The following COL12A1 variants were observed in gnomAD, a reference collection of about 807,000 sequenced individuals.
The protein encoded by COL12A1 is collagen alpha-1(XII) chain.
A neutral mutation model predicts 349.7 loss-of-function variants in COL12A1; 114 were observed. That is an observed-to-expected ratio of 0.33 (90% confidence interval 0.28 to 0.38). The LOEUF (loss-of-function observed/expected upper bound fraction) is 0.38, where lower values mean the gene tolerates loss of function less well. Ranked by LOEUF, COL12A1 falls within the 10% of genes least tolerant of loss-of-function variation. The pLI is 1.00. For missense variants in COL12A1, 3,284 were observed against 3,756.9 expected (o/e 0.87, Z 3.29); for synonymous variants, 1,369 against 1,329.0 (o/e 1.03, Z -0.66).
At chr6:75,098,987 C>G (rs1324716853) in intron 58 of COL12A1, among the ~76,000 whole-genome samples, 1 of 152,190 alleles carries the variant, frequency 6.6e-6, no homozygotes, top group Non-Finnish European at 1.5e-5. Context: ...CCGAGGATTT[C>G]TGAGTCAGGT....
At chr6:75,091,662 G>A in intron 60 of COL12A1, 137 bp from the exon 61 acceptor site, 2 of 775,194 alleles carry the variant, frequency 2.6e-6, no homozygotes, top group Non-Finnish European at 4.2e-6. Context: ...TTATATCCAT[G>A]TTACTCACAT....
At chr6:75,162,067 C>T (rs1768053522) in intron 14 of COL12A1, among the ~76,000 whole-genome samples, 1 of 152,124 alleles carries the variant, frequency 6.6e-6, no homozygotes, top group South Asian at 2.1e-4. Context: ...GTCAAAATGG[C>T]CATACTGCCC....
chr6:75,134,922 AG>A, intron 31 of COL12A1, 67 bp from the exon 32 acceptor site: 1 of 1,516,112 alleles, frequency 6.6e-7, no homozygotes, highest in Non-Finnish European at 8.9e-7. Flanking sequence ...TGTTAGAAAA[AG>A]CTCTTTCTAC....
In COL12A1 at chr6:75,086,518, T is replaced by C. The variant is rs755138892; in HGVS notation, c.*29A>G. The C allele has an allele frequency of 1.2e-6, 2 of 1,604,044 alleles. No homozygotes were observed. The highest frequency in any genetic ancestry group is 8.5e-7 in the Non-Finnish European group (1 of 1,173,624). On this transcript the variant is annotated 3_prime_UTR_variant, in exon 66 of 66. Coordinates refer to ENST00000322507, the MANE Select transcript of COL12A1 (RefSeq NM_004370.6). ...ACAGGATTTTCATGTATTCAAACTG[T>C]AAGCAGCACTGGCGACTTAGAAAAT... is the stretch of plus-strand genomic sequence containing the variant.
At chr6:75,151,547 G>A (rs1321439201) in intron 20 of COL12A1, among the ~76,000 whole-genome samples, 1 of 152,112 alleles carries the variant, frequency 6.6e-6, no homozygotes, top group African/African-American at 2.4e-5. Flanking sequence ...ACTCTCTTCA[G>A]TGTTTTTTCT....
chr6:75,137,868 G>A (rs1766701164), intron 30 of COL12A1, among the ~76,000 whole-genome samples: 1 of 151,896 alleles, frequency 6.6e-6, no homozygotes, highest in African/African-American at 2.4e-5. Flanking sequence ...ATGAGGGTGG[G>A]GCTGCCATAA....
chr6:75,142,313 A>T, intron 26 of COL12A1, 152 bp from the exon 27 acceptor site: 1 of 880,452 alleles, frequency 1.1e-6, no homozygotes, highest in South Asian at 1.9e-5. Context: ...CAGAAACTGG[A>T]CACAGTTTAA....
chr6:75,141,901 A>G (rs1766909137), intron 27 of COL12A1, 131 bp downstream of exon 27: 1 of 1,142,250 alleles, frequency 8.8e-7, no homozygotes, highest in African/African-American at 1.6e-5. Flanking sequence ...AGTGAAAAAC[A>G]ATCTATGAAT....
intron 2 of COL12A1, among the ~76,000 whole-genome samples, chr6:75,199,694 T>G (rs924348823): frequency 6.6e-6 from 1 of 152,172 alleles, no homozygotes; most frequent in Non-Finnish European, 1.5e-5. Context: ...TCAGATACAG[T>G]TGATAAAGTC....
intron 13 of COL12A1, among the ~76,000 whole-genome samples, chr6:75,166,053 C>G (rs1479038286): frequency 1.3e-5 from 2 of 151,852 alleles, no homozygotes; most frequent in Non-Finnish European, 2.9e-5. Context: ...GATTGACATC[C>G]AAATTTGAAG....
chr6:75,156,579 C>A, intron 14 of COL12A1, 56 bp from the exon 15 acceptor site: 1 of 1,514,004 alleles, frequency 6.6e-7, no homozygotes, highest in Non-Finnish European at 9.0e-7. Flanking sequence ...AATGTATGTC[C>A]ACCTCTTCAT....
At chr6:75,109,696 C>T (rs183297842) in intron 51 of COL12A1, among the ~76,000 whole-genome samples, 21 of 152,084 alleles carry the variant, frequency 1.4e-4, no homozygotes, top group African/African-American at 3.9e-4. Flanking sequence ...CTCTGGAAAT[C>T]GATAGAATTC....
rs763099667 is a variant in COL12A1, at chr6:75,113,160, TA to T, written c.7950+43del. On this transcript the variant is annotated intron_variant, in intron 51 of 65. Transcript: ENST00000322507. ...TTTAATAAATAATAAATTTGTTTTA[TA>T]TTTTTTTCTAGAAATAAGACTCAAA... 194 of 1,028,756 alleles carry T rather than the reference TA, an allele frequency of 1.9e-4. No individual in the cohort carries two copies. In the African/African-American group the frequency reaches 2.9e-3, roughly 15 times the overall value. 63.7% of individuals were successfully genotyped at this position (1,028,756 alleles called of 1,614,324 possible). A position where few individuals can be genotyped will look rare whatever the true frequency, so the allele number is the denominator to read the frequency against.
At chr6:75,100,295 G>A (rs80219966) in intron 58 of COL12A1, among the ~76,000 whole-genome samples, 1,966 of 152,200 alleles carry the variant, frequency 0.013, 93 homozygotes, top group East Asian at 0.094. Flanking sequence ...TAGGGAACCC[G>A]CTGTGTGTCT....
At chr6:75,138,206 C>T (rs1027691400) in intron 30 of COL12A1, 114 bp downstream of exon 30, 5 of 1,117,686 alleles carry the variant, frequency 4.5e-6, no homozygotes, top group South Asian at 1.6e-5. Flanking sequence ...TCTCAATGAA[C>T]ATCTTAGGAT....
At chr6:75,195,047 C>A (rs1343712527) in intron 2 of COL12A1, 100 bp from the exon 3 acceptor site, 3 of 658,442 alleles carry the variant, frequency 4.6e-6, no homozygotes, top group Non-Finnish European at 7.5e-6. Context: ...CTAAAATTGT[C>A]TTTGCATAAA....
chr6:75,167,279 T>G (rs1030005707), intron 13 of COL12A1, among the ~76,000 whole-genome samples: 1 of 152,102 alleles, frequency 6.6e-6, no homozygotes, highest in Admixed American at 6.6e-5. Flanking sequence ...CAACAACTAG[T>G]CTCTAAGTTT....
chr6:75,096,033 A>G (rs545894666), intron 59 of COL12A1, among the ~76,000 whole-genome samples: 1 of 152,250 alleles, frequency 6.6e-6, no homozygotes, highest in East Asian at 1.9e-4. Flanking sequence ...CCACACTTTC[A>G]TTCCCTTCCA....
intron 2 of COL12A1, among the ~76,000 whole-genome samples, chr6:75,198,747 G>A (rs1226627242): frequency 6.6e-6 from 1 of 152,128 alleles, no homozygotes; most frequent in African/African-American, 2.4e-5. Context: ...ATGGATGAGA[G>A]GGAGTAGAGG....
Sources: allele counts gnomAD v4.1 joint callset (sites outside exome capture counted in the v4.1 genomes callset), GRCh38; gene constraint gnomAD v4.1.1; transcripts MANE v1.5; gene names NCBI Gene and HGNC (gene_info 2026-07-23, HGNC 2026-07-21).